LGSN: variants seen among roughly 807,000 people sequenced by gnomAD.
LGSN encodes the protein lengsin, lens protein with glutamine synthetase domain.
LGSN carries 21 observed loss-of-function variants against 19.5 expected under a neutral mutation model. That is an observed-to-expected ratio of 1.07 (90% confidence interval 0.76 to 1.55). The LOEUF is 1.55. Ranked by LOEUF, LGSN falls within the 40% of genes most tolerant of loss-of-function variation. The pLI is 0.00. For missense variants in LGSN, 673 were observed against 608.5 expected (o/e 1.11, Z -1.12); for synonymous variants, 257 against 215.6 (o/e 1.19, Z -1.68).
chr6:63,403,243 T>C, the LGSN span, among the ~76,000 whole-genome samples: 1 of 152,126 alleles, frequency 6.6e-6, no homozygotes, highest in Non-Finnish European at 1.5e-5. Flanking sequence ...AAAGTTTGCA[T>C]TTATGGGCTG....
At chr6:63,358,114 G>C in the LGSN span, among the ~76,000 whole-genome samples, 4 of 152,128 alleles carry the variant, frequency 2.6e-5, no homozygotes, top group African/African-American at 4.8e-5. Flanking sequence ...GCTTGTTTTT[G>C]TCAGGTTCGT....
chr6:63,542,061 GTA>G, the LGSN span, among the ~76,000 whole-genome samples: 57 of 135,494 alleles, frequency 4.2e-4, no homozygotes, highest in Middle Eastern at 3.9e-3. Flanking sequence ...GTGTGTGTGT[GTA>G]TACATACACA....
At chr6:63,430,313 G>A in the LGSN span, among the ~76,000 whole-genome samples, 3 of 152,174 alleles carry the variant, frequency 2.0e-5, no homozygotes, top group Non-Finnish European at 4.4e-5. Context: ...GGTGAGAACA[G>A]CTGGTCTCTG....
At chr6:63,501,484 A>G in the LGSN span, among the ~76,000 whole-genome samples, 5 of 152,186 alleles carry the variant, frequency 3.3e-5, no homozygotes, top group South Asian at 4.1e-4. Context: ...GCAACAAATA[A>G]ATATGCTATG....
chr6:63,441,866 C>G, the LGSN span: 144,755 of 285,158 alleles, frequency 0.51, 38,462 homozygotes, highest in East Asian at 0.55. Context: ...GGTGACACAG[C>G]TACAGCAGCT....
At chr6:63,414,345 G>A in the LGSN span, among the ~76,000 whole-genome samples, 2 of 152,010 alleles carry the variant, frequency 1.3e-5, no homozygotes, top group Admixed American at 1.3e-4. Flanking sequence ...TTGAGAACCT[G>A]TCGTTCAATA....
chr6:63,281,308 TATATATATATATATATATATATAATAA>T, intron 3 of LGSN, 88 bp from the exon 4 acceptor site: 3 of 157,494 alleles, frequency 1.9e-5, no homozygotes, highest in South Asian at 2.2e-4. Context: ...AATGAAAATA[TATATATATATATATATATATATAATAA>T]ATATATATAT....
the LGSN span, among the ~76,000 whole-genome samples, chr6:63,401,731 T>C: frequency 6.6e-6 from 1 of 152,184 alleles, no homozygotes; most frequent in Admixed American, 6.5e-5. Flanking sequence ...TAATATCTGG[T>C]TTAGCTCTAG....
the LGSN span, among the ~76,000 whole-genome samples, chr6:63,557,209 C>A: frequency 6.6e-6 from 1 of 152,002 alleles, no homozygotes; most frequent in Admixed American, 6.6e-5. Flanking sequence ...TTGCAAGGTA[C>A]AATGGAAGTA....
the LGSN span, among the ~76,000 whole-genome samples, chr6:63,416,036 A>G: frequency 6.6e-6 from 1 of 152,130 alleles, no homozygotes; most frequent in East Asian, 1.9e-4. Flanking sequence ...CATTGAGAAG[A>G]GAAGACAGCT....
the LGSN span, among the ~76,000 whole-genome samples, chr6:63,399,766 G>T: frequency 6.6e-6 from 1 of 151,988 alleles, no homozygotes; most frequent in Non-Finnish European, 1.5e-5. Flanking sequence ...CACAATCATA[G>T]CTCACTGCAG....
At chr6:63,402,871 C>T in the LGSN span, among the ~76,000 whole-genome samples, 4 of 151,856 alleles carry the variant, frequency 2.6e-5, no homozygotes, top group South Asian at 2.1e-4. Context: ...GGTTGGGGCT[C>T]ATCCAGTCAA....
Position 63,280,462 on chromosome 6 carries a change from A to G in LGSN, c.1089T>C (p.Val363=), listed in dbSNP as rs747095303. 1.7e-5 allele frequency: 27 copies of G among 1,614,032 alleles called. No homozygotes were observed. The South Asian group carries it at 2.9e-4, about 17-fold the overall frequency. ...AALSCLMAPS[V]SCRKRYSKDR... is the part of the protein sequence containing the mutation. The stretch of plus-strand genomic sequence containing the variant: ...CCTTGGAATAACGCTTTCGGCAGCT[A>G]ACAGAAGGCGCCATCAGGCAGCTGA... The change falls in exon 4 of 4, where the codon GTT becomes GTC. Residue 363 remains valine (V), a synonymous_variant. Coordinates refer to ENST00000370657, the MANE Select transcript of LGSN (RefSeq NM_016571.3).
chr6:63,322,807 A>G (rs1313280086), upstream of LGSN, among the ~76,000 whole-genome samples: 1 of 152,190 alleles, frequency 6.6e-6, no homozygotes, highest in Non-Finnish European at 1.5e-5. Flanking sequence ...TATTGGAGTG[A>G]GGACAGGTAG....
the LGSN span, among the ~76,000 whole-genome samples, chr6:63,393,135 C>T: frequency 2.0e-5 from 3 of 151,136 alleles, no homozygotes; most frequent in Non-Finnish European, 4.4e-5. Flanking sequence ...GATACACCCA[C>T]CTCGGCCTCC....
chr6:63,560,459 T>C, the LGSN span, among the ~76,000 whole-genome samples: 1 of 149,330 alleles, frequency 6.7e-6, no homozygotes, highest in Admixed American at 6.7e-5. Context: ...TGGAAGGCAG[T>C]GCACATGATC....
chr6:63,475,028 T>C, the LGSN span, among the ~76,000 whole-genome samples: 1 of 152,094 alleles, frequency 6.6e-6, no homozygotes, highest in Non-Finnish European at 1.5e-5. Context: ...GAAATGTGTC[T>C]CCATTGTAGA....
the LGSN span, among the ~76,000 whole-genome samples, chr6:63,554,859 T>G: frequency 2.6e-5 from 4 of 152,216 alleles, no homozygotes; most frequent in African/African-American, 9.7e-5. Context: ...ACAATCTTAC[T>G]CTTATTTATG....
chr6:63,487,201 C>T, the LGSN span, among the ~76,000 whole-genome samples: 1 of 151,766 alleles, frequency 6.6e-6, no homozygotes, highest in East Asian at 1.9e-4. Context: ...AACTCCTGGG[C>T]TCAAGCAATC....
Sources: gnomAD v4.1 joint callset for allele counts (sites outside exome capture counted in the v4.1 genomes callset) on GRCh38, gnomAD v4.1.1 for gene constraint, MANE v1.5 for transcripts, NCBI Gene and HGNC (gene_info 2026-07-23, HGNC 2026-07-21) for gene names.